Variants in ATAD2B observed in about 807,000 individuals in gnomAD.
ATAD2B encodes ATPase family AAA domain containing 2B, also known as ATPase family AAA domain-containing protein 2B.
A neutral mutation model predicts 167.6 loss-of-function variants in ATAD2B; 40 were observed. The observed-to-expected ratio is 0.24, with a 90% CI of 0.19 to 0.31. The LOEUF (loss-of-function observed/expected upper bound fraction) is 0.31, where lower values mean the gene tolerates loss of function less well. Ranked by LOEUF, ATAD2B falls within the 10% of genes least tolerant of loss-of-function variation. The probability of loss-of-function intolerance (pLI) is 1.00; values close to 1 mark genes in which losing one functional copy is unlikely to be tolerated. For missense variants in ATAD2B, 1,242 were observed against 1,757.2 expected, an observed-to-expected ratio of 0.71 and a Z score of 5.24; for synonymous variants, 579 against 596.5, an observed-to-expected ratio of 0.97 and a Z score of 0.43.
intron 12 of ATAD2B, among the ~76,000 whole-genome samples, chr2:23,863,140 T>C (rs1694665622): frequency 6.6e-6 from 1 of 152,114 alleles, no homozygotes. Flanking sequence ...ATCCCACCTC[T>C]ATAAAAAATA....
chr2:23,780,479 T>A (rs1057005636), intron 22 of ATAD2B, among the ~76,000 whole-genome samples: 1 of 152,198 alleles, frequency 6.6e-6, no homozygotes, highest in African/African-American at 2.4e-5. Flanking sequence ...TTTGCAATTA[T>A]AGAATCTGTG....
the ATAD2B span, among the ~76,000 whole-genome samples, chr2:23,711,342 CTTTTTTTTTTTTTTTTTTTTT>C: frequency 2.8e-4 from 22 of 79,792 alleles, no homozygotes; most frequent in African/African-American, 4.9e-4. Flanking sequence ...GAATTTCTTT[CTTTTTTTTTTTTTTTTTTTTT>C]TTTTTTTTTT....
intron 1 of ATAD2B, among the ~76,000 whole-genome samples, chr2:23,913,560 A>T (rs1348331175): frequency 6.6e-6 from 1 of 151,872 alleles, no homozygotes; most frequent in African/African-American, 2.4e-5. Flanking sequence ...GAATTGCTTT[A>T]ACCTGGGAGG....
intron 22 of ATAD2B, among the ~76,000 whole-genome samples, chr2:23,767,088 T>A (rs2149334746): frequency 6.6e-6 from 1 of 152,326 alleles, no homozygotes; most frequent in East Asian, 1.9e-4. Context: ...CTTTGCCTTC[T>A]ACTTTTAAAC....
intron 10 of ATAD2B, 50 bp downstream of exon 10, chr2:23,867,785 A>G: frequency 7.4e-7 from 1 of 1,350,048 alleles, no homozygotes; most frequent in Non-Finnish European, 1.0e-6. Context: ...AAACAAGAAA[A>G]AAACTTTTAA....
At chr2:23,867,511 A>G (rs1695313944) in intron 10 of ATAD2B, among the ~76,000 whole-genome samples, 1 of 152,220 alleles carries the variant, frequency 6.6e-6, no homozygotes, top group South Asian at 2.1e-4. Context: ...ACTATATCAT[A>G]GCCAGAGTGA....
At chr2:23,900,510 TGG>T (rs1558764164) in intron 1 of ATAD2B, among the ~76,000 whole-genome samples, 1 of 152,190 alleles carries the variant, frequency 6.6e-6, no homozygotes, top group Admixed American at 6.5e-5. Context: ...ACCAACAACA[TGG>T]GCATGATCTA....
chr2:23,813,926 G>T (rs1479077198), intron 17 of ATAD2B, among the ~76,000 whole-genome samples: 1 of 151,924 alleles, frequency 6.6e-6, no homozygotes, highest in African/African-American at 2.4e-5. Context: ...ATTATAATCT[G>T]AACCAAATAG....
At chr2:23,772,473 G>A (rs954895960) in intron 22 of ATAD2B, among the ~76,000 whole-genome samples, 13 of 151,894 alleles carry the variant, frequency 8.6e-5, no homozygotes, top group East Asian at 7.7e-4. Flanking sequence ...TTTCTACCTC[G>A]GCTTGAATGA....
intron 22 of ATAD2B, among the ~76,000 whole-genome samples, chr2:23,777,636 G>A (rs1250485008): frequency 6.6e-6 from 1 of 152,126 alleles, no homozygotes; most frequent in African/African-American, 2.4e-5. Flanking sequence ...AGAAGATTTT[G>A]AGACAACTAA....
chr2:23,761,253 A>G (rs1419925051), intron 24 of ATAD2B, among the ~76,000 whole-genome samples: 1 of 152,232 alleles, frequency 6.6e-6, no homozygotes, highest in Non-Finnish European at 1.5e-5. Context: ...AAAAGGGGAC[A>G]AGCTTTAAAA....
chr2:23,878,721 G>A (rs1431653922), intron 7 of ATAD2B, among the ~76,000 whole-genome samples: 3 of 151,226 alleles, frequency 2.0e-5, no homozygotes, highest in Non-Finnish European at 4.4e-5. Flanking sequence ...ATACTATTGA[G>A]AGAATAAAAA....
At chr2:23,712,634 C>T in the ATAD2B span, among the ~76,000 whole-genome samples, 5 of 152,154 alleles carry the variant, frequency 3.3e-5, no homozygotes, top group Non-Finnish European at 7.3e-5. Flanking sequence ...TCCAAGGATA[C>T]AGAAAGTTTT....
intron 13 of ATAD2B, among the ~76,000 whole-genome samples, chr2:23,853,323 G>A (rs995266138): frequency 1.6e-4 from 24 of 152,308 alleles, no homozygotes; most frequent in African/African-American, 5.1e-4. Flanking sequence ...GTATAAAACC[G>A]TAAGGAAACC....
At chr2:23,831,987 G>A (rs1291316185) in intron 14 of ATAD2B, among the ~76,000 whole-genome samples, 1 of 151,934 alleles carries the variant, frequency 6.6e-6, no homozygotes, top group Non-Finnish European at 1.5e-5. Flanking sequence ...ATTTTCTCTT[G>A]AACTAACACA....
chr2:23,890,725 AG>A (rs2150318697), intron 2 of ATAD2B, among the ~76,000 whole-genome samples: 1 of 152,368 alleles, frequency 6.6e-6, no homozygotes, highest in East Asian at 1.9e-4. Context: ...AATAAGATGC[AG>A]ACCCTAAAGT....
In ATAD2B at chr2:23,757,579, T is replaced by C. The variant is rs144320345; in HGVS notation, c.3917A>G (p.Gln1306Arg). The change falls in exon 25 of 28, where the codon CAA becomes CGA. Residue 1306 changes from glutamine (Q) to arginine (R), a missense_variant. Physicochemically the swap from Gln to Arg is conservative, Grantham distance 43. Coordinates refer to ENST00000238789, the MANE Select transcript of ATAD2B (RefSeq NM_017552.4). The part of the protein sequence containing the change: ...CDSGDKCSSE[Q>R]KILLEDQSKE... ...TGACTGGTCCTCCAGAAGAATCTTT[T>C]GTTCAGAACTACATTTATCTCCACT... 62 of 1,608,888 alleles carry C rather than the reference T, an allele frequency of 3.9e-5. No homozygotes were observed. The East Asian group carries it at 1.4e-3, about 36-fold the overall frequency.
intron 17 of ATAD2B, 98 bp from the exon 18 acceptor site, chr2:23,810,600 C>A: frequency 2.2e-6 from 2 of 899,012 alleles, no homozygotes; most frequent in Non-Finnish European, 3.3e-6. Context: ...AATTTAACTC[C>A]AAATTAACAG....
At chr2:23,797,864 A>C (rs185340454) in intron 19 of ATAD2B, among the ~76,000 whole-genome samples, 7,579 of 152,220 alleles carry the variant, frequency 0.05, 249 homozygotes, top group Non-Finnish European at 0.073. Context: ...GAATTTTTGA[A>C]TTAGAGATGC....
Sources: allele counts gnomAD v4.1 joint callset (sites outside exome capture counted in the v4.1 genomes callset), GRCh38; gene constraint gnomAD v4.1.1; transcripts MANE v1.5; gene names NCBI Gene and HGNC (gene_info 2026-07-23, HGNC 2026-07-21).